The following RPS6KC1 variants were observed in gnomAD, a reference collection of about 807,000 sequenced individuals.
The protein encoded by RPS6KC1 is inactive ribosomal protein S6 kinase delta-1.
A neutral mutation model predicts 103.8 loss-of-function variants in RPS6KC1; 54 were observed. The ratio of observed to expected loss-of-function variants is 0.52; its 90% CI spans 0.42 to 0.65. The LOEUF is 0.65. RPS6KC1 is among the 30% of genes least tolerant of loss of function. RPS6KC1 has a pLI of 0.00. For synonymous variants in RPS6KC1, 439 were observed against 438.7 expected (o/e 1.00, Z -0.01); for missense variants, 1,151 against 1,253.8 (o/e 0.92, Z 1.24).
At chr1:213,518,921 G>A in the RPS6KC1 span, among the ~76,000 whole-genome samples, 3 of 152,118 alleles carry the variant, frequency 2.0e-5, no homozygotes, top group Admixed American at 6.6e-5. Flanking sequence ...AGGAAGACCT[G>A]CACATCTACA....
chr1:213,407,299 T>C, the RPS6KC1 span, among the ~76,000 whole-genome samples: 1 of 151,910 alleles, frequency 6.6e-6, no homozygotes, highest in African/African-American at 2.4e-5. Flanking sequence ...GGCGGCATGA[T>C]TCTTTGGAGT....
chr1:213,389,918 A>C, the RPS6KC1 span, among the ~76,000 whole-genome samples: 113 of 152,118 alleles, frequency 7.4e-4, 1 homozygote, highest in Non-Finnish European at 2.6e-4. Context: ...TGTAATTACC[A>C]GTGGCCCTGT....
At chr1:213,188,974 G>A (rs1379847833) in intron 8 of RPS6KC1, among the ~76,000 whole-genome samples, 3 of 152,124 alleles carry the variant, frequency 2.0e-5, no homozygotes, top group African/African-American at 7.2e-5. Context: ...TGACTTTACA[G>A]TAATCAAGAT....
At chr1:213,171,400 A>G (rs2091467108) in intron 7 of RPS6KC1, among the ~76,000 whole-genome samples, 1 of 151,994 alleles carries the variant, frequency 6.6e-6, no homozygotes, top group South Asian at 2.1e-4. Flanking sequence ...TGATTTAAGA[A>G]TTAATGTTGA....
chr1:213,402,833 A>T, the RPS6KC1 span, among the ~76,000 whole-genome samples: 1 of 152,108 alleles, frequency 6.6e-6, no homozygotes, highest in Non-Finnish European at 1.5e-5. Context: ...ATTTGAGAAC[A>T]CATCACGGGG....
the RPS6KC1 span, among the ~76,000 whole-genome samples, chr1:213,407,218 GCACACACA>G: frequency 3.8e-3 from 491 of 127,536 alleles, 10 homozygotes; most frequent in Middle Eastern, 0.023. Flanking sequence ...ATGCACGCGC[GCACACACA>G]CACACACACA....
chr1:213,567,058 A>C, the RPS6KC1 span, among the ~76,000 whole-genome samples: 88 of 152,146 alleles, frequency 5.8e-4, no homozygotes, highest in African/African-American at 1.9e-3. Context: ...AAATTTTTTC[A>C]TTTGTTTTTA....
At chr1:213,312,123 C>T in the RPS6KC1 span, among the ~76,000 whole-genome samples, 2 of 151,936 alleles carry the variant, frequency 1.3e-5, no homozygotes, top group Non-Finnish European at 2.9e-5. Context: ...TGTTGAACTC[C>T]TGACCTCAAG....
the RPS6KC1 span, among the ~76,000 whole-genome samples, chr1:213,527,311 G>A: frequency 6.6e-6 from 1 of 152,228 alleles, no homozygotes; most frequent in East Asian, 1.9e-4. Flanking sequence ...TTAAATTCTG[G>A]TCTTGTTTGA....
chr1:213,552,987 ATTCTT>A, the RPS6KC1 span, among the ~76,000 whole-genome samples: 544 of 141,606 alleles, frequency 3.8e-3, 1 homozygote, highest in African/African-American at 0.014. Context: ...AGATATTACC[ATTCTT>A]TTTTTTTTTC....
the RPS6KC1 span, among the ~76,000 whole-genome samples, chr1:213,532,679 G>A: frequency 1.3e-5 from 2 of 152,224 alleles, no homozygotes; most frequent in African/African-American, 4.8e-5. Context: ...GCCATGGGTG[G>A]TTGGTAACAC....
chr1:213,159,857 T>C (rs1312529244), intron 6 of RPS6KC1, among the ~76,000 whole-genome samples: 1 of 152,182 alleles, frequency 6.6e-6, no homozygotes, highest in South Asian at 2.1e-4. Context: ...TTCCCTGTGA[T>C]TACTCAAAAA....
the RPS6KC1 span, among the ~76,000 whole-genome samples, chr1:213,335,942 T>C: frequency 6.6e-6 from 1 of 152,238 alleles, no homozygotes; most frequent in Admixed American, 6.5e-5. Context: ...TTTTTATCAG[T>C]ATATTTCATT....
chr1:213,644,807 C>T, the RPS6KC1 span, among the ~76,000 whole-genome samples: 1 of 152,142 alleles, frequency 6.6e-6, no homozygotes, highest in Non-Finnish European at 1.5e-5. Context: ...TGTACACTCC[C>T]ACAGGAGTTT....
the RPS6KC1 span, among the ~76,000 whole-genome samples, chr1:213,783,815 CAAAAAA>C: frequency 0.14 from 9,420 of 65,990 alleles, 428 homozygotes; most frequent in South Asian, 0.28. Context: ...AAGATGTTGC[CAAAAAA>C]AAAAAAAAAA....
At chr1:213,701,905 CA>C in the RPS6KC1 span, among the ~76,000 whole-genome samples, 2,492 of 151,932 alleles carry the variant, frequency 0.016, 48 homozygotes, top group African/African-American at 0.046. Context: ...TACATCATTT[CA>C]ATTTCATTTA....
At chr1:213,483,123 A>G in the RPS6KC1 span, among the ~76,000 whole-genome samples, 4 of 152,196 alleles carry the variant, frequency 2.6e-5, no homozygotes, top group African/African-American at 9.7e-5. Flanking sequence ...TGGAAGGGGA[A>G]GCAAACATAT....
At chr1:213,413,702 T>A in the RPS6KC1 span, among the ~76,000 whole-genome samples, 1 of 152,220 alleles carries the variant, frequency 6.6e-6, no homozygotes, top group Non-Finnish European at 1.5e-5. Context: ...AGGTGGTATC[T>A]TTTATGATCT....
chr1:213,342,938 A>G, the RPS6KC1 span, among the ~76,000 whole-genome samples: 1 of 152,144 alleles, frequency 6.6e-6, no homozygotes, highest in East Asian at 1.9e-4. Flanking sequence ...TCTTGAGCTC[A>G]GGAGTTTGAG....
Sources: allele counts gnomAD v4.1 joint callset (sites outside exome capture counted in the v4.1 genomes callset), GRCh38; gene constraint gnomAD v4.1.1; transcripts MANE v1.5; gene names NCBI Gene and HGNC (gene_info 2026-07-23, HGNC 2026-07-21).